The following AR variants were observed in gnomAD, a reference collection of about 807,000 sequenced individuals.
AR encodes the protein androgen receptor.
In AR, 8 loss-of-function variants were observed where a neutral mutation model predicts 53.9. The ratio of observed to expected loss-of-function variants is 0.15; its 90% CI spans 0.09 to 0.27. The LOEUF is 0.27. Ranked by LOEUF, AR falls within the 10% of genes least tolerant of loss-of-function variation. The pLI, the probability that AR is intolerant of heterozygous loss-of-function variation, is 1.00. For missense variants in AR, 639 were observed against 742.5 expected, an observed-to-expected ratio of 0.86 and a Z score of 1.62; for synonymous variants, 359 against 316.4, an observed-to-expected ratio of 1.13 and a Z score of -1.43.
At position 67,595,633 on chromosome X, in the gene AR, T is replaced by C. The variant is rs751411193; in HGVS notation, c.1617-47623T>C. Among the ~76,000 whole-genome samples the C allele has an allele frequency of 1.2e-3, 94 of 78,504 alleles. No individual in the cohort carries two copies. In the Middle Eastern group the frequency reaches 0.021, roughly 17 times the overall value. The allele number at this position is 78,504 out of a possible 115,157, so 68.2% of individuals were successfully genotyped here. A position where few individuals can be genotyped will look rare whatever the true frequency, so the allele number is the denominator to read the frequency against. The stretch of plus-strand genomic sequence containing the variant: ...TTGTCAATGGATTTCACATAAACCC[T>C]GTCTTTCCAAAAATATACAAAAAAA... On this transcript the variant is annotated intron_variant, in intron 1 of 7. Transcript: ENST00000374690.
At chrX:67,648,415 C>A (rs757811769) in intron 2 of AR, among the ~76,000 whole-genome samples, 1 of 111,333 alleles carries the variant, frequency 9.0e-6, no homozygotes, top group African/African-American at 3.3e-5. Context: ...GCTTTGGGGA[C>A]TCTCTGGTAC....
chrX:67,551,275 G>A (rs2147328029), intron 1 of AR, among the ~76,000 whole-genome samples: 1 of 109,715 alleles, frequency 9.1e-6, no homozygotes, highest in Admixed American at 9.8e-5. Context: ...TGCATATGAG[G>A]GTGCGTGCTG....
intron 2 of AR, among the ~76,000 whole-genome samples, chrX:67,673,687 T>A (rs1490544407): frequency 3.6e-5 from 4 of 110,840 alleles, no homozygotes; most frequent in African/African-American, 1.3e-4. Flanking sequence ...TTCTGAATTC[T>A]TTCTTAGTGT....
intron 4 of AR, among the ~76,000 whole-genome samples, chrX:67,717,154 T>C (rs1180971585): frequency 9.0e-6 from 1 of 111,665 alleles, no homozygotes; most frequent in Non-Finnish European, 1.9e-5. Flanking sequence ...AAAAGAGCAA[T>C]CCAATAGCAA....
chrX:67,626,958 A>G lies in AR; in HGVS notation c.1617-16298A>G, dbSNP rs957096214. ...ATCCATGTCCCTACAAAGGACATGA[A>G]CTCATCCTTTTTTATGGCTGCATAG... On this transcript the variant is annotated intron_variant, in intron 1 of 7. Transcript: ENST00000374690. Among the ~76,000 whole-genome samples, 13 of 104,719 alleles carry G rather than the reference A, an allele frequency of 1.2e-4. No individual in the cohort carries two copies. In the East Asian group the frequency reaches 3.9e-3, roughly 32 times the overall value. 90.9% of individuals were successfully genotyped at this position (104,719 alleles called of 115,157 possible).
chrX:67,567,309 G>A (rs1325112919), intron 1 of AR, among the ~76,000 whole-genome samples: 1 of 111,615 alleles, frequency 9.0e-6, no homozygotes. Flanking sequence ...AGTTTGGGAT[G>A]TGAATTTCCT....
At chrX:67,629,104 T>C (rs1924894781) in intron 1 of AR, among the ~76,000 whole-genome samples, 1 of 111,537 alleles carries the variant, frequency 9.0e-6, no homozygotes, top group Non-Finnish European at 1.9e-5. Context: ...TTCTCTTTTT[T>C]GGTTGTGTCT....
chrX:67,674,165 CTCTCTCTCTCTCTT>C (rs1454939498), intron 2 of AR, among the ~76,000 whole-genome samples: 1 of 109,284 alleles, frequency 9.2e-6, no homozygotes, highest in Non-Finnish European at 1.9e-5. Flanking sequence ...TAGAGTCTCT[CTCTCTCTCTCTCTT>C]TCTCTCTCTC....
intron 2 of AR, among the ~76,000 whole-genome samples, chrX:67,658,246 T>TA (rs1417678542): frequency 8.9e-6 from 1 of 111,734 alleles, no homozygotes; most frequent in Non-Finnish European, 1.9e-5. Context: ...TTATGTAGAA[T>TA]AGGAAGGCTT....
At chrX:67,581,799 G>T (rs1922310058) in intron 1 of AR, among the ~76,000 whole-genome samples, 1 of 111,480 alleles carries the variant, frequency 9.0e-6, no homozygotes, top group South Asian at 3.7e-4. Flanking sequence ...CATCCATAAG[G>T]TTTTCATTCT....
rs145137162 is a variant in AR at position 67,623,717 on chromosome X, C to T, written c.1617-19539C>T. Among the ~76,000 whole-genome samples the T allele has an allele frequency of 8.3e-3, 906 of 109,235 alleles. 7 individuals are homozygous for T. Among genetic ancestry groups the T allele is most frequent in the African/African-American group, 0.029 (862 of 30,026 alleles). 94.9% of individuals were successfully genotyped at this position (109,235 alleles called of 115,157 possible). The stretch of plus-strand genomic sequence containing the variant: ...TTAAACATTGATTCTTTGAAGAGAT[C>T]AACAAAACTGAAAAAAACTTTAGTC... On this transcript the variant is annotated intron_variant, in intron 1 of 7. Transcript: ENST00000374690.
chrX:67,679,382 T>C (rs750642491), intron 2 of AR, among the ~76,000 whole-genome samples: 32 of 111,933 alleles, frequency 2.9e-4, no homozygotes, highest in African/African-American at 1.0e-3. Context: ...TTTGCAAGAA[T>C]ATGGAATAAT....
chrX:67,556,514 C>T (rs919247756), intron 1 of AR, among the ~76,000 whole-genome samples: 5 of 111,890 alleles, frequency 4.5e-5, no homozygotes, highest in African/African-American at 1.6e-4. Context: ...TCAATAAATG[C>T]TTATTAAGCA....
chrX:67,704,947 G>T (rs1321117563), intron 3 of AR, among the ~76,000 whole-genome samples: 2 of 112,054 alleles, frequency 1.8e-5, no homozygotes, highest in East Asian at 5.6e-4. Flanking sequence ...TCAAAGATCA[G>T]ATGGTTGTAG....
chrX:67,708,629 T>G (rs1346729661), intron 3 of AR, among the ~76,000 whole-genome samples: 1 of 112,142 alleles, frequency 8.9e-6, no homozygotes, highest in Non-Finnish European at 1.9e-5. Flanking sequence ...ATCTGAAGCC[T>G]TCTCTCAACT....
chrX:67,636,394 A>T (rs1925437062), intron 1 of AR, among the ~76,000 whole-genome samples: 1 of 111,441 alleles, frequency 9.0e-6, no homozygotes, highest in Non-Finnish European at 1.9e-5. Flanking sequence ...CTTCTTTTTA[A>T]ACTTTATATA....
At chrX:67,715,176 AC>A (rs1454777856) in intron 4 of AR, among the ~76,000 whole-genome samples, 1 of 110,984 alleles carries the variant, frequency 9.0e-6, no homozygotes, top group Admixed American at 9.6e-5. Context: ...ACTGCCTCCT[AC>A]CCAAGATATT....
chrX:67,587,076 G>A (rs753835304), intron 1 of AR, among the ~76,000 whole-genome samples: 61 of 112,016 alleles, frequency 5.4e-4, no homozygotes, highest in African/African-American at 1.8e-3. Context: ...TTTCCCAGAT[G>A]AGGATACTAA....
At chrX:67,679,288 T>C (rs1384921288) in intron 2 of AR, among the ~76,000 whole-genome samples, 3 of 111,562 alleles carry the variant, frequency 2.7e-5, no homozygotes, top group Admixed American at 9.6e-5. Context: ...GTTATTATTT[T>C]AACAAACCAA....
Sources: gnomAD v4.1 joint callset for allele counts (sites outside exome capture counted in the v4.1 genomes callset) on GRCh38, gnomAD v4.1.1 for gene constraint, MANE v1.5 for transcripts, NCBI Gene and HGNC (gene_info 2026-07-23, HGNC 2026-07-21) for gene names.